The following TENM3 variants were observed in gnomAD, a reference collection of about 807,000 sequenced individuals.
TENM3 encodes teneurin-3.
A neutral mutation model predicts 255.1 loss-of-function variants in TENM3; 63 were observed. That is an observed-to-expected ratio of 0.25 (90% confidence interval 0.20 to 0.30). TENM3 has a LOEUF of 0.30. TENM3 is among the 10% of genes least tolerant of loss of function. The pLI is 1.00. For missense variants in TENM3, 2,929 were observed against 3,461.1 expected (o/e 0.85, Z 3.86); for synonymous variants, 1,306 against 1,322.3 (o/e 0.99, Z 0.27).
the TENM3 span, among the ~76,000 whole-genome samples, chr4:181,892,322 G>A: frequency 3.3e-5 from 5 of 152,062 alleles, no homozygotes; most frequent in Admixed American, 2.0e-4. Context: ...TCTCCTTCCC[G>A]TGTCATACTA....
At chr4:181,909,053 C>A in the TENM3 span, among the ~76,000 whole-genome samples, 1 of 152,150 alleles carries the variant, frequency 6.6e-6, no homozygotes, top group African/African-American at 2.4e-5. Flanking sequence ...TTCTGCCTTT[C>A]CTTTCTGAAT....
the TENM3 span, among the ~76,000 whole-genome samples, chr4:182,062,708 C>T: frequency 7.2e-5 from 11 of 152,162 alleles, no homozygotes; most frequent in Admixed American, 1.3e-4. Context: ...CTCAGATTAA[C>T]GGTTTTGCAT....
At chr4:182,069,832 G>GCCT in the TENM3 span, among the ~76,000 whole-genome samples, 1 of 152,096 alleles carries the variant, frequency 6.6e-6, no homozygotes, top group Non-Finnish European at 1.5e-5. Context: ...GGCTACAGAT[G>GCCT]AAGGGAGGAG....
chr4:182,302,148 A>T (rs1433742817), intron 1 of TENM3, among the ~76,000 whole-genome samples: 1 of 152,164 alleles, frequency 6.6e-6, no homozygotes, highest in Non-Finnish European at 1.5e-5. Flanking sequence ...CCATCCAAAA[A>T]AGAAAAGGGA....
At chr4:182,635,288 C>T (rs2152483631) in intron 5 of TENM3, among the ~76,000 whole-genome samples, 1 of 152,308 alleles carries the variant, frequency 6.6e-6, no homozygotes, top group Middle Eastern at 3.4e-3. Context: ...ACCCAGTGCA[C>T]ATACTGTGTG....
In TENM3 at chr4:182,789,327, G is replaced by A. The variant is rs747145864; in HGVS notation, c.5539G>A (p.Gly1847Arg). 10 of 1,613,866 alleles carry A rather than the reference G, an allele frequency of 6.2e-6. No homozygotes were observed. Among genetic ancestry groups the A allele is most frequent in the South Asian group, 1.1e-5 (1 of 91,012 alleles). Residue 1847 changes from glycine (G) to arginine (R), a missense_variant, in exon 25 of 28, where the codon GGG (glycine) becomes AGG (arginine). Physicochemically the swap from Gly to Arg is moderately radical, Grantham distance 125 (BLOSUM62 -2). Around this residue, in one of 6 missense-constraint regions of TENM3, gnomAD observed 303 missense variants for 425.2 expected, o/e 0.71. Coordinates refer to ENST00000511685, the MANE Select transcript of TENM3 (RefSeq NM_001080477.4). The surrounding 1 kb of genome is among the most constrained non-coding windows in gnomAD (Gnocchi z 4.4). ...CGAGAAAGTAGATTATGACGGACAGGGGAGGATCGTGTCTCGGGTCTTTGC... is the reference window on the plus strand; with the variant it reads ...CGAGAAAGTAGATTATGACGGACAGAGGAGGATCGTGTCTCGGGTCTTTGC... ...TSEKVDYDGQ[G>R]RIVSRVFADG... is the part of the protein sequence containing the mutation.
chr4:181,692,139 G>C, the TENM3 span, among the ~76,000 whole-genome samples: 1 of 152,156 alleles, frequency 6.6e-6, no homozygotes, highest in East Asian at 1.9e-4. Flanking sequence ...ACTATGGTTT[G>C]CAAGTTCCCT....
chr4:182,059,763 G>GAAAAAAAAAAAAA, the TENM3 span, among the ~76,000 whole-genome samples: 1 of 86,630 alleles, frequency 1.2e-5, no homozygotes, highest in Admixed American at 1.2e-4. Flanking sequence ...AAAAAAAAAA[G>GAAAAAAAAAAAAA]AAAAAAAAAA....
chr4:181,613,922 T>A, the TENM3 span, among the ~76,000 whole-genome samples: 20 of 152,122 alleles, frequency 1.3e-4, no homozygotes, highest in South Asian at 4.1e-4. Context: ...GGTGAGAAAA[T>A]CCAGCTGTAT....
At chr4:181,840,728 A>G in the TENM3 span, among the ~76,000 whole-genome samples, 1 of 152,088 alleles carries the variant, frequency 6.6e-6, no homozygotes, top group Non-Finnish European at 1.5e-5. Flanking sequence ...TGGACAGGAA[A>G]GGTTCTCCTA....
At chr4:182,061,559 C>T in the TENM3 span, among the ~76,000 whole-genome samples, 1 of 152,102 alleles carries the variant, frequency 6.6e-6, no homozygotes, top group African/African-American at 2.4e-5. Flanking sequence ...TTATAAAATG[C>T]TCCCCAACAT....
intron 22 of TENM3, among the ~76,000 whole-genome samples, chr4:182,770,240 T>C (rs2152788795): frequency 6.6e-6 from 1 of 152,290 alleles, no homozygotes. Flanking sequence ...AAACCCTGTG[T>C]TGATCCCTGA....
the TENM3 span, among the ~76,000 whole-genome samples, chr4:181,653,952 C>T: frequency 7.2e-5 from 11 of 151,904 alleles, no homozygotes; most frequent in South Asian, 1.7e-3. Flanking sequence ...ATCATTGGTA[C>T]TGTGGTCTCA....
intron 7 of TENM3, among the ~76,000 whole-genome samples, chr4:182,675,786 G>A (rs1015437327): frequency 2.0e-5 from 3 of 152,154 alleles, no homozygotes; most frequent in Non-Finnish European, 4.4e-5. Context: ...ATTGTGTTGT[G>A]TACTTGAAAG....
chr4:182,368,945 T>C (rs1246811944), intron 3 of TENM3, among the ~76,000 whole-genome samples: 1 of 152,202 alleles, frequency 6.6e-6, no homozygotes, highest in Non-Finnish European at 1.5e-5. Context: ...AAAAATCCTC[T>C]TACTCCAACC....
chr4:181,509,384 G>T, the TENM3 span, among the ~76,000 whole-genome samples: 11 of 150,284 alleles, frequency 7.3e-5, no homozygotes, highest in African/African-American at 2.7e-4. Flanking sequence ...TAGGCTTTCT[G>T]GCTAAGGTGC....
At chr4:181,555,355 T>TGTA in the TENM3 span, among the ~76,000 whole-genome samples, 1 of 152,292 alleles carries the variant, frequency 6.6e-6, no homozygotes, top group East Asian at 1.9e-4. Flanking sequence ...CACTAAAAAT[T>TGTA]AGTTGCTTCT....
chr4:182,159,908 A>G (rs1209023833), intron 1 of TENM3, among the ~76,000 whole-genome samples: 2 of 152,190 alleles, frequency 1.3e-5, no homozygotes, highest in African/African-American at 4.8e-5. Flanking sequence ...GAGAGAGAGA[A>G]AATTTACTTA....
intron 3 of TENM3, among the ~76,000 whole-genome samples, chr4:182,590,279 C>A (rs1746467709): frequency 6.6e-6 from 1 of 151,868 alleles, no homozygotes; most frequent in Non-Finnish European, 1.5e-5. Context: ...CTTCAAGGGT[C>A]CAGGCGTTAT....
Sources: allele counts gnomAD v4.1 joint callset (sites outside exome capture counted in the v4.1 genomes callset), GRCh38; gene constraint gnomAD v4.1.1; regional missense constraint gnomAD v4.1.1; non-coding constraint Gnocchi (gnomAD v3.1); transcripts MANE v1.5; gene names NCBI Gene and HGNC (gene_info 2026-07-23, HGNC 2026-07-21).